IL1RAP: variants seen among roughly 807,000 people sequenced by gnomAD.
The protein encoded by IL1RAP is interleukin 1 receptor accessory protein.
A neutral mutation model predicts 60.7 loss-of-function variants in IL1RAP; 35 were observed. That is an observed-to-expected ratio of 0.58 (90% CI 0.44 to 0.76). The LOEUF is 0.76. Among genes scored for constraint, IL1RAP ranks in the 30% least tolerant of loss-of-function variants. IL1RAP has a pLI of 0.00. For missense variants in IL1RAP, 572 were observed against 693.9 expected, an observed-to-expected ratio of 0.82 and a Z score of 1.97; for synonymous variants, 268 against 250.9, an observed-to-expected ratio of 1.07 and a Z score of -0.64.
chr3:190,584,330 C>T (rs1407752540), intron 3 of IL1RAP, among the ~76,000 whole-genome samples: 1 of 152,148 alleles, frequency 6.6e-6, no homozygotes, highest in Non-Finnish European at 1.5e-5. Context: ...CTGCTGTAAA[C>T]GTCTATATAC....
At chr3:190,544,722 T>C (rs1724225890) in intron 1 of IL1RAP, among the ~76,000 whole-genome samples, 1 of 152,168 alleles carries the variant, frequency 6.6e-6, no homozygotes. Context: ...ATTACTAAAG[T>C]CAATTAGATT....
At chr3:190,593,773 C>T (rs1338911411) in intron 3 of IL1RAP, among the ~76,000 whole-genome samples, 1 of 152,034 alleles carries the variant, frequency 6.6e-6, no homozygotes, top group Non-Finnish European at 1.5e-5. Flanking sequence ...ATGGGAGCTA[C>T]AATTCAAGAT....
At chr3:190,533,993 T>C (rs1159541351) in intron 1 of IL1RAP, among the ~76,000 whole-genome samples, 1 of 152,090 alleles carries the variant, frequency 6.6e-6, no homozygotes, top group African/African-American at 2.4e-5. Context: ...TTTAATTGGC[T>C]TACTACTCAT....
At chr3:190,571,496 A>T (rs1173280596) in intron 3 of IL1RAP, among the ~76,000 whole-genome samples, 1 of 152,220 alleles carries the variant, frequency 6.6e-6, no homozygotes, top group Non-Finnish European at 1.5e-5. Flanking sequence ...AGCCTGGGCG[A>T]CAGAACAAGA....
intron 7 of IL1RAP, among the ~76,000 whole-genome samples, chr3:190,623,704 G>C (rs867830216): frequency 6.6e-6 from 1 of 152,134 alleles, no homozygotes; most frequent in Non-Finnish European, 1.5e-5. Flanking sequence ...GCTTGCACAG[G>C]GCTTTGGTTT....
chr3:190,559,915 C>G (rs1725741273), intron 2 of IL1RAP, among the ~76,000 whole-genome samples: 1 of 152,150 alleles, frequency 6.6e-6, no homozygotes, highest in South Asian at 2.1e-4. Context: ...AGAATATTTA[C>G]TTCATTTTAC....
intron 9 of IL1RAP, among the ~76,000 whole-genome samples, chr3:190,640,784 G>T (rs1485962751): frequency 1.3e-5 from 2 of 152,150 alleles, no homozygotes; most frequent in African/African-American, 4.8e-5. Context: ...TTTGAAGCCA[G>T]TTATTTACAT....
chr3:190,631,047 A>G (rs1203421536), intron 9 of IL1RAP, among the ~76,000 whole-genome samples: 1 of 152,122 alleles, frequency 6.6e-6, no homozygotes, highest in Non-Finnish European at 1.5e-5. Flanking sequence ...TTATGTCTGG[A>G]TTTTAAAAAA....
intron 3 of IL1RAP, among the ~76,000 whole-genome samples, chr3:190,567,007 G>A (rs1251735832): frequency 2.6e-5 from 4 of 152,164 alleles, no homozygotes; most frequent in South Asian, 2.1e-4. Context: ...ATCTACATGC[G>A]TATCATATTA....
At position 190,650,930 on chromosome 3, in the gene IL1RAP, A is replaced by G. The variant is rs1263203740; in HGVS notation, c.*2225A>G. The G allele has an allele frequency of 1.0e-6, 1 of 985,146 alleles. No homozygotes were observed. The highest frequency in any genetic ancestry group is 1.2e-6 in the Non-Finnish European group (1 of 829,776). The allele number at this position is 985,146 out of a possible 1,614,324, so 61.0% of individuals were successfully genotyped here. On this transcript the variant is annotated 3_prime_UTR_variant, in exon 12 of 12. Transcript: ENST00000447382. The stretch of plus-strand genomic sequence containing the variant: ...CTTTTGGATTCCATATTTATCCCAA[A>G]TGCTGTTGGGCACCCCTAGAAATAC...
intron 1 of IL1RAP, among the ~76,000 whole-genome samples, chr3:190,553,831 C>T (rs1725116311): frequency 1.3e-5 from 2 of 151,832 alleles, no homozygotes; most frequent in South Asian, 2.1e-4. Flanking sequence ...GAGGCCGAGG[C>T]GGGCGGATCA....
chr3:190,578,356 T>C (rs1202840242), intron 3 of IL1RAP, among the ~76,000 whole-genome samples: 1 of 152,198 alleles, frequency 6.6e-6, no homozygotes, highest in Non-Finnish European at 1.5e-5. Context: ...GTGACAGGTA[T>C]GATAGTTTAA....
chr3:190,614,411 G>A (rs1731084756), intron 5 of IL1RAP, among the ~76,000 whole-genome samples: 1 of 151,956 alleles, frequency 6.6e-6, no homozygotes, highest in Non-Finnish European at 1.5e-5. Flanking sequence ...ATGTTCATAT[G>A]TAACACCAGC....
intron 3 of IL1RAP, among the ~76,000 whole-genome samples, chr3:190,575,042 G>T (rs1013348238): frequency 1.3e-5 from 2 of 151,968 alleles, no homozygotes; most frequent in Non-Finnish European, 2.9e-5. Flanking sequence ...GAATATTTTT[G>T]TCATAAAAGG....
intron 3 of IL1RAP, among the ~76,000 whole-genome samples, chr3:190,577,477 C>T (rs776014111): frequency 3.3e-5 from 5 of 152,154 alleles, no homozygotes; most frequent in South Asian, 2.1e-4. Context: ...CATCAACCCC[C>T]GGCTGTTTAC....
At chr3:190,529,531 A>C (rs1722803065) in intron 1 of IL1RAP, among the ~76,000 whole-genome samples, 1 of 151,966 alleles carries the variant, frequency 6.6e-6, no homozygotes, top group African/African-American at 2.4e-5. Context: ...CTAAAAATAC[A>C]AAAATTAGCT....
At chr3:190,657,470 T>C (rs1006537672) in exon 12 of IL1RAP, 1 of 152,172 alleles carries the variant, frequency 6.6e-6, no homozygotes, top group Non-Finnish European at 1.5e-5. Context: ...GTATTGTAAG[T>C]GATGTAGCGT....
chr3:190,597,279 G>A (rs1729458237), intron 3 of IL1RAP, among the ~76,000 whole-genome samples: 1 of 152,078 alleles, frequency 6.6e-6, no homozygotes, highest in Non-Finnish European at 1.5e-5. Flanking sequence ...AAAGTGTCTG[G>A]TCTTGATTTA....
rs922054517 is a variant in IL1RAP, at chr3:190,567,759, C to T, written c.64+3406C>T. ...ACACGCTTATCCTGCCCCCTCACAG[C>T]ACTGAAACATTTTCTTCAGGAGGAA... is the stretch of plus-strand genomic sequence containing the variant. On this transcript the variant is annotated intron_variant, in intron 3 of 11. Coordinates refer to ENST00000447382, the MANE Select transcript of IL1RAP (RefSeq NM_002182.4). 3.3e-5 allele frequency among the ~76,000 whole-genome samples: 5 copies of T among 152,182 alleles called. No individual in the cohort carries two copies. In the South Asian group the frequency reaches 1.0e-3, roughly 32 times the overall value.
Sources: gnomAD v4.1 joint callset for allele counts (sites outside exome capture counted in the v4.1 genomes callset) on GRCh38, gnomAD v4.1.1 for gene constraint, MANE v1.5 for transcripts, NCBI Gene and HGNC (gene_info 2026-07-23, HGNC 2026-07-21) for gene names.